Variants in EPCAM observed in about 807,000 individuals in gnomAD.
EPCAM encodes the protein epithelial cell adhesion molecule.
In EPCAM, 39 loss-of-function variants were observed where a neutral mutation model predicts 40.0. The observed-to-expected ratio is 0.98, with a 90% CI of 0.76 to 1.27. The LOEUF is 1.27. Ranked by LOEUF, EPCAM falls within the 50% of genes most tolerant of loss-of-function variation. The pLI is 0.00. For missense variants in EPCAM, 503 were observed against 381.2 expected (o/e 1.32, Z -2.66); for synonymous variants, 168 against 132.3 (o/e 1.27, Z -1.85).
chr2:47,371,014 A>G lies in EPCAM; in HGVS notation c.76+1433A>G, dbSNP rs1181401392. ...AGACGTCAGCCACAGTGCCAGCCGA[A>G]TATTTGTATTTGTAGAGACGACATC... On this transcript the variant is annotated intron_variant, in intron 1 of 8. Transcript: ENST00000263735. Among the ~76,000 whole-genome samples, 5 of 151,516 alleles carry G rather than the reference A, an allele frequency of 3.3e-5. No homozygotes were observed. The South Asian group carries it at 6.3e-4, about 19-fold the overall frequency.
At chr2:47,382,068 C>T (rs916400279) in intron 7 of EPCAM, among the ~76,000 whole-genome samples, 6 of 151,322 alleles carry the variant, frequency 4.0e-5, no homozygotes, top group Admixed American at 1.3e-4. Context: ...GCACCTAGTC[C>T]TATATATATA....
intron 1 of EPCAM, among the ~76,000 whole-genome samples, chr2:47,372,035 A>C (rs1261151041): frequency 1.3e-5 from 2 of 152,230 alleles, no homozygotes. Flanking sequence ...ATTCGAAGTT[A>C]AATGAACTTT....
chr2:47,369,842 C>T (rs1049406509), intron 1 of EPCAM: 2 of 616,304 alleles, frequency 3.2e-6, no homozygotes, highest in East Asian at 6.2e-5. Context: ...AGGCGGGGGA[C>T]AGGCAGGGAA....
At chr2:47,386,524 G>T (rs775332069) in intron 8 of EPCAM, 48 bp from the exon 9 acceptor site, 7 of 1,426,512 alleles carry the variant, frequency 4.9e-6, no homozygotes. Flanking sequence ...ATGAACAAAA[G>T]ATTGAAAAAT....
chr2:47,378,930 T>C, intron 5 of EPCAM, 23 bp from the exon 6 acceptor site: 1 of 963,104 alleles, frequency 1.0e-6, no homozygotes, highest in African/African-American at 1.6e-5. Flanking sequence ...TATTAATTTG[T>C]ATTATTCAAT....
At chr2:47,373,755 C>T (rs527736944) in intron 2 of EPCAM, 53 bp from the exon 3 acceptor site, 40 of 1,606,134 alleles carry the variant, frequency 2.5e-5, no homozygotes, top group East Asian at 2.0e-4. Context: ...TTTTTTTTCC[C>T]GTAATCATGA....
At chr2:47,381,975 C>T (rs111266248) in intron 7 of EPCAM, among the ~76,000 whole-genome samples, 159 of 152,076 alleles carry the variant, frequency 1.0e-3, no homozygotes, top group African/African-American at 3.2e-3. Flanking sequence ...CTATGGCTGC[C>T]GAGGCTGGGC....
At position 47,369,478 on chromosome 2, in the gene EPCAM, G is replaced by A. The variant is rs1020636182; in HGVS notation, c.-28G>A. On this transcript the variant is annotated 5_prime_UTR_variant, in exon 1 of 9. Transcript: ENST00000263735. ...CTCCCGCGAGTCCCGGGCCCCTCCC[G>A]CGCCCCTCTTCTCGGCGCGCGCGCA... The A allele has an allele frequency of 3.3e-6, 5 of 1,502,014 alleles. No homozygotes were observed. In the African/African-American group the frequency reaches 5.9e-5, roughly 18 times the overall value. The allele number at this position is 1,502,014 out of a possible 1,614,324, so 93.0% of individuals were successfully genotyped here. A position where few individuals can be genotyped will look rare whatever the true frequency, so the allele number is the denominator to read the frequency against.
intron 1 of EPCAM, among the ~76,000 whole-genome samples, chr2:47,370,023 G>A (rs866888960): frequency 2.6e-5 from 4 of 152,216 alleles, no homozygotes; most frequent in African/African-American, 9.6e-5. Flanking sequence ...AGCGGGCCCC[G>A]GATGTGGGCC....
chr2:47,384,045 T>C lies in EPCAM; in HGVS notation c.859-1121T>C, dbSNP rs1268944045. Among the ~76,000 whole-genome samples the C allele has an allele frequency of 3.3e-5, 5 of 152,222 alleles. No individual in the cohort carries two copies. The East Asian group carries it at 7.7e-4, about 23-fold the overall frequency. ...ATTGTTTTTGATTTTGATTTTTGTT[T>C]GTTTGTTTCACTTGTCGTGGTAGAC... is the stretch of plus-strand genomic sequence containing the variant. On this transcript the variant is annotated intron_variant, in intron 7 of 8. Coordinates refer to ENST00000263735, the MANE Select transcript of EPCAM (RefSeq NM_002354.3).
chr2:47,372,386 C>T lies in EPCAM; in HGVS notation c.77-1077C>T, dbSNP rs979487351. Among the ~76,000 whole-genome samples the T allele has an allele frequency of 3.3e-5, 5 of 151,858 alleles. No individual in the cohort carries two copies. The East Asian group carries it at 9.6e-4, about 29-fold the overall frequency. Reference sequence around the variant, plus strand: ...GGCATGGTGGCTCACGTCTGTAATCCCAGCACTTTAGGAGGCCGAGGTGGG... The same window carrying T: ...GGCATGGTGGCTCACGTCTGTAATCTCAGCACTTTAGGAGGCCGAGGTGGG... On this transcript the variant is annotated intron_variant, in intron 1 of 8. Transcript: ENST00000263735.
intron 8 of EPCAM, among the ~76,000 whole-genome samples, chr2:47,386,201 A>G (rs557077303): frequency 1.3e-5 from 2 of 152,326 alleles, no homozygotes; most frequent in South Asian, 4.1e-4. Flanking sequence ...GTGATCTGAG[A>G]CAAACACTAA....
chr2:47,376,511 C>T (rs1395100466), intron 4 of EPCAM, among the ~76,000 whole-genome samples: 6 of 152,298 alleles, frequency 3.9e-5, no homozygotes, highest in Middle Eastern at 3.4e-3. Context: ...CTGCCCACCT[C>T]AGCATCCCAA....
intron 5 of EPCAM, chr2:47,377,556 T>G (rs539514738): frequency 8.1e-6 from 2 of 246,256 alleles, no homozygotes; most frequent in African/African-American, 4.6e-5. Flanking sequence ...TGGTTATCGT[T>G]GTTTTCCTTC....
chr2:47,374,177 C>T, intron 3 of EPCAM, 129 bp downstream of exon 3: 1 of 1,099,276 alleles, frequency 9.1e-7, no homozygotes, highest in African/African-American at 1.5e-5. Flanking sequence ...TGAAAAGCTT[C>T]CTTCTCATTC....
rs1483290345 is a variant in EPCAM, at chr2:47,379,945, AGTT to A, written c.839_841del (p.Val280del). The A allele has an allele frequency of 6.2e-7, 1 of 1,613,408 alleles. No individual in the cohort carries two copies. Among genetic ancestry groups the A allele is most frequent in the Non-Finnish European group, 8.5e-7 (1 of 1,179,568 alleles). On this transcript the variant is annotated inframe_deletion, in exon 7 of 9. Transcript: ENST00000263735. ...CTGTTATTGTGGTTGTGGTGATAGC[AGTT>A]GTTGCTGGAATTGTTGTGCTGGTGA... is the stretch of plus-strand genomic sequence containing the variant.
In EPCAM at chr2:47,369,569, G is replaced by T; in HGVS notation, c.64G>T (p.Ala22Ser). 1.3e-6 allele frequency: 2 copies of T among 1,589,300 alleles called. No individual in the cohort carries two copies. The highest frequency in any genetic ancestry group is 1.7e-6 in the Non-Finnish European group (2 of 1,170,862). ...TGCCGCGGCGACGGCGACTTTTGCC[G>T]CAGCTCAGGAAGGTGAGGCGCGGAT... ...LLAAATATFA[A>S]AQEECVCENY... The change falls in exon 1 of 9, where the codon GCA becomes TCA. Residue 22 changes from alanine (A) to serine (S), a missense_variant. By Grantham distance (99) the Ala-to-Ser change is moderately conservative. Coordinates refer to ENST00000263735, the MANE Select transcript of EPCAM (RefSeq NM_002354.3).
rs753197812 is a variant in EPCAM, at chr2:47,379,794, C to T, written c.683C>T (p.Ser228Phe). 3.1e-6 allele frequency: 5 copies of T among 1,613,554 alleles called. No homozygotes were observed. In the South Asian group the frequency reaches 4.4e-5, roughly 14 times the overall value. ...KDVKGESLFH[S>F]KKMDLTVNGE... is the part of the protein sequence containing the mutation. ...GTTAAAGGTGAATCCTTGTTTCATT[C>T]TAAGAAAATGGACCTGACAGTAAAT... Residue 228 changes from serine (S) to phenylalanine (F), a missense_variant, in exon 7 of 9, where the codon TCT becomes TTT. Transcript: ENST00000263735.
In EPCAM at chr2:47,386,637, A is replaced by G. The variant is rs1671749778; in HGVS notation, c.*24A>G. 6.4e-7 allele frequency: 1 copy of G among 1,562,410 alleles called. No homozygotes were observed. Among genetic ancestry groups the G allele is most frequent in the Admixed American group, 1.7e-5 (1 of 59,804 alleles). ...AACTATATAATTTGAAGATTATAGA[A>G]GAAGGGAAATAGCAAATGGACACAA... On this transcript the variant is annotated 3_prime_UTR_variant, in exon 9 of 9. Coordinates refer to ENST00000263735, the MANE Select transcript of EPCAM (RefSeq NM_002354.3).
Sources: allele counts gnomAD v4.1 joint callset (sites outside exome capture counted in the v4.1 genomes callset), GRCh38; gene constraint gnomAD v4.1.1; transcripts MANE v1.5; gene names NCBI Gene and HGNC (gene_info 2026-07-23, HGNC 2026-07-21).